The following ATG7 variants were observed in gnomAD, a reference collection of about 807,000 sequenced individuals.
ATG7 encodes autophagy related 7, also known as ubiquitin-like modifier-activating enzyme ATG7.
Under a neutral mutation model 82.4 loss-of-function variants are expected in ATG7, and 70 were observed. The ratio of observed to expected loss-of-function variants is 0.85; its 90% CI spans 0.70 to 1.04. The LOEUF is 1.04. ATG7 is among the 50% of genes least tolerant of loss of function. ATG7 has a pLI of 0.00. For synonymous variants in ATG7, 287 were observed against 313.0 expected, an observed-to-expected ratio of 0.92 and a Z score of 0.88; for missense variants, 792 against 864.3, an observed-to-expected ratio of 0.92 and a Z score of 1.05.
intron 19 of ATG7, among the ~76,000 whole-genome samples, chr3:11,390,964 G>T (rs1458233950): frequency 6.6e-6 from 1 of 152,156 alleles, no homozygotes; most frequent in Non-Finnish European, 1.5e-5. Flanking sequence ...TTGAGCTTCA[G>T]TTTCCTCAGG....
chr3:11,457,694 T>C lies in ATG7; in HGVS notation c.2079+30768T>C, dbSNP rs1187140540. ...TAAGGGGTGACAGATCAATTTCAAT[T>C]TGTGTGCCCCTCGCTTATGGGTGTT... On this transcript the variant is annotated intron_variant, in intron 20 of 20. Coordinates refer to ENST00000693202, the MANE Select transcript of ATG7 (RefSeq NM_001349232.2). Among the ~76,000 whole-genome samples, 3 of 152,106 alleles carry C rather than the reference T, an allele frequency of 2.0e-5. No homozygotes were observed. The East Asian group carries it at 5.8e-4, about 29-fold the overall frequency.
rs145293590 is a variant in ATG7 at position 11,377,958 on chromosome 3, T to A, written c.1876-2014T>A. ...AAATGGTTACCACATTCCTGAGATG[T>A]TAGGAACTAAAAGGTTGTCATATTT... is the stretch of plus-strand genomic sequence containing the variant. On this transcript the variant is annotated intron_variant, in intron 18 of 20. Transcript: ENST00000693202. Among the ~76,000 whole-genome samples, 1,077 of 152,028 alleles carry A rather than the reference T, an allele frequency of 7.1e-3. 4 individuals are homozygous for A. Among genetic ancestry groups the A allele is most frequent in the Non-Finnish European group, 0.011 (724 of 68,004 alleles).
intron 19 of ATG7, 121 bp downstream of exon 19, chr3:11,380,173 G>A (rs878952659): frequency 3.6e-6 from 3 of 841,754 alleles, no homozygotes; most frequent in African/African-American, 3.4e-5. Context: ...GAAGGGTGGG[G>A]TCTAAACCCT....
chr3:11,303,409 C>T (rs111642560), intron 5 of ATG7, among the ~76,000 whole-genome samples: 7,021 of 152,264 alleles, frequency 0.046, 205 homozygotes, highest in African/African-American at 0.079. Context: ...GTGGCTCACG[C>T]CTGTAATCCC....
At chr3:11,507,735 C>T (rs926910211) in intron 20 of ATG7, among the ~76,000 whole-genome samples, 3 of 152,022 alleles carry the variant, frequency 2.0e-5, no homozygotes, top group Non-Finnish European at 4.4e-5. Context: ...GTTAAGAAGC[C>T]CTGCTGGGAA....
At chr3:11,519,840 C>T (rs895349409) in intron 20 of ATG7, among the ~76,000 whole-genome samples, 1 of 151,998 alleles carries the variant, frequency 6.6e-6, no homozygotes, top group Non-Finnish European at 1.5e-5. Context: ...GGATTACAGG[C>T]GTGAGCCACC....
At chr3:11,469,560 T>C (rs2087214033) in intron 20 of ATG7, among the ~76,000 whole-genome samples, 1 of 152,192 alleles carries the variant, frequency 6.6e-6, no homozygotes, top group East Asian at 1.9e-4. Context: ...AAAGGAGTGA[T>C]GATACACTTG....
rs973204053 is a variant in ATG7 at position 11,427,021 on chromosome 3, A to G, written c.2079+95A>G. 1.9e-5 allele frequency: 27 copies of G among 1,424,086 alleles called. No homozygotes were observed. In the Middle Eastern group the frequency reaches 5.6e-4, roughly 29 times the overall value. 88.2% of individuals were successfully genotyped at this position (1,424,086 alleles called of 1,614,324 possible). ...AAAAGGAAGAAAGCAATTAATTTTA[A>G]TTTTTGTAACTTAGAGCAAATATCA... On this transcript the variant is annotated intron_variant, in intron 20 of 20. Transcript: ENST00000693202.
chr3:11,471,237 T>C (rs2087479427), intron 20 of ATG7, among the ~76,000 whole-genome samples: 1 of 152,162 alleles, frequency 6.6e-6, no homozygotes, highest in Non-Finnish European at 1.5e-5. Context: ...AGACAGCTCC[T>C]ACCGCTGGCC....
chr3:11,409,535 G>A (rs1222205666), intron 19 of ATG7, among the ~76,000 whole-genome samples: 2 of 152,126 alleles, frequency 1.3e-5, no homozygotes, highest in Admixed American at 6.6e-5. Flanking sequence ...TTATATTTAG[G>A]GTGTTTTCAA....
At position 11,453,172 on chromosome 3, in the gene ATG7, A is replaced by G. The variant is rs573835528; in HGVS notation, c.2079+26246A>G. ...CCAGTTCAATGTTGAGGGGGCTGAG[A>G]GTTCTCTGGGTTCCCCAGGTGGAGA... On this transcript the variant is annotated intron_variant, in intron 20 of 20. Transcript: ENST00000693202. Among the ~76,000 whole-genome samples, 8 of 152,276 alleles carry G rather than the reference A, an allele frequency of 5.3e-5. No homozygotes were observed. The South Asian group carries it at 1.2e-3, about 24-fold the overall frequency.
At chr3:11,439,234 A>G (rs1217013364) in intron 20 of ATG7, among the ~76,000 whole-genome samples, 2 of 151,472 alleles carry the variant, frequency 1.3e-5, no homozygotes, top group African/African-American at 2.4e-5. Context: ...ACGCCCGGCT[A>G]TTTTTTGTAG....
chr3:11,280,676 A>G (rs1942888900), intron 1 of ATG7, among the ~76,000 whole-genome samples: 1 of 152,158 alleles, frequency 6.6e-6, no homozygotes, highest in Non-Finnish European at 1.5e-5. Context: ...TTCTTTTGTC[A>G]TGAAATTGAT....
At chr3:11,537,207 C>G (rs2125007125) in intron 20 of ATG7, among the ~76,000 whole-genome samples, 1 of 152,302 alleles carries the variant, frequency 6.6e-6, no homozygotes, top group South Asian at 2.1e-4. Context: ...TCCTTCCTTC[C>G]CATCTTTCAG....
At chr3:11,347,635 C>A (rs575189199) in intron 13 of ATG7, among the ~76,000 whole-genome samples, 6 of 152,282 alleles carry the variant, frequency 3.9e-5, no homozygotes, top group Non-Finnish European at 8.8e-5. Context: ...TAGTCTGTTC[C>A]ACTTGACATT....
At chr3:11,495,071 C>T (rs2090712770) in intron 20 of ATG7, among the ~76,000 whole-genome samples, 1 of 151,676 alleles carries the variant, frequency 6.6e-6, no homozygotes. Context: ...GAGCAAGGCT[C>T]CGTCTCAGAA....
the ATG7 span, chr3:11,568,488 G>T: frequency 4.3e-6 from 6 of 1,400,002 alleles, no homozygotes; most frequent in Non-Finnish European, 5.9e-6. The surrounding 1 kb of genome is among the most constrained non-coding windows in gnomAD (Gnocchi z 5.9). Context: ...TAACTGGAAA[G>T]ACAGTCCGTG....
At chr3:11,363,180 A>G (rs578235261) in intron 17 of ATG7, 4 of 408,186 alleles carry the variant, frequency 9.8e-6, no homozygotes, top group South Asian at 4.7e-5. Context: ...CAACGCTTAT[A>G]TAGGGCTTAC....
intron 9 of ATG7, among the ~76,000 whole-genome samples, chr3:11,325,183 A>G (rs1950698899): frequency 6.6e-6 from 1 of 152,188 alleles, no homozygotes; most frequent in African/African-American, 2.4e-5. Context: ...TGATGTTGGT[A>G]TGACGGTGAA....
Sources: gnomAD v4.1 joint callset for allele counts (sites outside exome capture counted in the v4.1 genomes callset) on GRCh38, gnomAD v4.1.1 for gene constraint, Gnocchi (gnomAD v3.1) non-coding constraint, MANE v1.5 for transcripts, NCBI Gene and HGNC (gene_info 2026-07-23, HGNC 2026-07-21) for gene names.